Variants in SUSD4 observed in about 807,000 individuals in gnomAD.
SUSD4 encodes sushi domain-containing protein 4.
A neutral mutation model predicts 50.5 loss-of-function variants in SUSD4; 41 were observed. The observed-to-expected ratio is 0.81, with a 90% CI of 0.63 to 1.05. The LOEUF (loss-of-function observed/expected upper bound fraction) is 1.05, where lower values mean the gene tolerates loss of function less well. Among genes scored for constraint, SUSD4 ranks in the 50% least tolerant of loss-of-function variants. The pLI is 0.00. For synonymous variants in SUSD4, 257 were observed against 257.3 expected, an observed-to-expected ratio of 1.00 and a Z score of 0.01; for missense variants, 580 against 634.7, an observed-to-expected ratio of 0.91 and a Z score of 0.93.
intron 3 of SUSD4, among the ~76,000 whole-genome samples, chr1:223,276,059 G>A (rs569393457): frequency 1.3e-5 from 2 of 152,360 alleles, no homozygotes; most frequent in South Asian, 2.1e-4. Context: ...ACTGGCATGA[G>A]AGAAGATGAA....
intron 1 of SUSD4, 199 bp from the exon 2 acceptor site, chr1:223,363,659 G>C (rs1669140783): frequency 1.9e-6 from 1 of 534,966 alleles, no homozygotes. Context: ...AACAGCCGCC[G>C]TGGGATGCTG....
At chr1:223,362,791 C>T (rs572400275) in intron 2 of SUSD4, among the ~76,000 whole-genome samples, 8 of 152,336 alleles carry the variant, frequency 5.3e-5, no homozygotes, top group African/African-American at 1.9e-4. Context: ...GCCCCGCAGC[C>T]AGTCTGACCA....
At chr1:223,283,999 C>A (rs1031968335) in intron 3 of SUSD4, among the ~76,000 whole-genome samples, 1 of 151,092 alleles carries the variant, frequency 6.6e-6, no homozygotes, top group African/African-American at 2.4e-5. Context: ...CCAAACACCG[C>A]ATATTCTCAC....
Position 223,264,655 on chromosome 1 carries a change from G to C in SUSD4, c.699C>G (p.Ser233Arg), listed in dbSNP as rs267598387. Residue 233 changes from serine to arginine, a missense_variant, in exon 5 of 9, where the codon AGC becomes AGG. Physicochemically the swap from Ser to Arg is moderately radical, Grantham distance 110. Transcript: ENST00000366878. ...CTTCCAGAGCAAGGCACCGGGGTGGGCTGGACGACCAGATAAGGTTTTGTA... is the reference window on the plus strand; with the variant it reads ...CTTCCAGAGCAAGGCACCGGGGTGGCCTGGACGACCAGATAAGGTTTTGTA... The part of the protein sequence containing the change: ...ECLQNLIWSS[S>R]PPRCLALEVC... The C allele has an allele frequency of 1.2e-6, 2 of 1,614,056 alleles. No homozygotes were observed. The highest frequency in any genetic ancestry group is 1.7e-6 in the Non-Finnish European group (2 of 1,180,024).
chr1:223,269,389 C>T (rs1452881576), intron 3 of SUSD4, among the ~76,000 whole-genome samples: 2 of 152,118 alleles, frequency 1.3e-5, no homozygotes, highest in Non-Finnish European at 2.9e-5. Flanking sequence ...GAAGGAACGA[C>T]GAGCCCATGC....
chr1:223,267,317 A>C (rs1351306238), intron 4 of SUSD4, among the ~76,000 whole-genome samples: 7 of 152,168 alleles, frequency 4.6e-5, no homozygotes, highest in Non-Finnish European at 7.3e-5. Flanking sequence ...GGGAGAACAA[A>C]AGGTTATGTG....
chr1:223,267,545 C>T (rs1662576079), intron 4 of SUSD4, among the ~76,000 whole-genome samples: 1 of 152,182 alleles, frequency 6.6e-6, no homozygotes, highest in South Asian at 2.1e-4. Flanking sequence ...GCAACACTGG[C>T]AGTTCCTGGG....
At chr1:223,235,935 C>G (rs1224223905) in intron 5 of SUSD4, among the ~76,000 whole-genome samples, 1 of 152,216 alleles carries the variant, frequency 6.6e-6, no homozygotes, top group Non-Finnish European at 1.5e-5. Flanking sequence ...AAGAAGCCAT[C>G]AAACTGTCTT....
chr1:223,272,210 T>C (rs1161952004), intron 3 of SUSD4, among the ~76,000 whole-genome samples: 2 of 152,156 alleles, frequency 1.3e-5, no homozygotes, highest in African/African-American at 2.4e-5. Context: ...AAAATATTCA[T>C]CAAAATCTGC....
intron 1 of SUSD4, chr1:223,363,727 G>A (rs745485626): frequency 2.8e-5 from 9 of 316,290 alleles, no homozygotes; most frequent in Non-Finnish European, 5.2e-5. Context: ...CATTGGCTCC[G>A]CGCCGGTCCC....
At chr1:223,293,074 G>A (rs148868441) in intron 2 of SUSD4, among the ~76,000 whole-genome samples, 1 of 152,284 alleles carries the variant, frequency 6.6e-6, no homozygotes, top group East Asian at 1.9e-4. Context: ...GGAGGCATGG[G>A]TGGTTTTCTA....
chr1:223,260,401 T>C (rs561188708), intron 5 of SUSD4, among the ~76,000 whole-genome samples: 1 of 152,350 alleles, frequency 6.6e-6, no homozygotes, highest in South Asian at 2.1e-4. Context: ...CCCACATTTA[T>C]TGTCAGAGCT....
At position 223,222,159 on chromosome 1, in the gene SUSD4, G is replaced by A; in HGVS notation, c.*33C>T. The A allele has an allele frequency of 6.2e-7, 1 of 1,608,804 alleles. No homozygotes were observed. ...CAAGATACAAGGTCCTTTCCCCGAA[G>A]GAGCAGGAGAGTCATCTGGATCTTG... is the stretch of plus-strand genomic sequence containing the variant. On this transcript the variant is annotated 3_prime_UTR_variant, in exon 9 of 9. Coordinates refer to ENST00000366878, the MANE Select transcript of SUSD4 (RefSeq NM_017982.4).
chr1:223,255,822 C>T (rs965699262), intron 5 of SUSD4, among the ~76,000 whole-genome samples: 8 of 152,208 alleles, frequency 5.3e-5, no homozygotes, highest in African/African-American at 1.9e-4. Flanking sequence ...CAGCTACTGG[C>T]AGGATCACGG....
intron 2 of SUSD4, among the ~76,000 whole-genome samples, chr1:223,327,493 T>C (rs1666941482): frequency 1.3e-5 from 2 of 152,186 alleles, no homozygotes; most frequent in South Asian, 2.1e-4. Flanking sequence ...GAAATAAAAA[T>C]GTTTTAAAAA....
chr1:223,364,658 C>A (rs541503964), upstream of SUSD4, among the ~76,000 whole-genome samples: 1 of 151,256 alleles, frequency 6.6e-6, no homozygotes, highest in African/African-American at 2.4e-5. This position sits in a 1 kb window ranked among gnomAD's most constrained non-coding sequence, Gnocchi z 4.5. Flanking sequence ...CGCGCGGCCT[C>A]TGGTGCCCCC....
chr1:223,330,325 T>C (rs1174562854), intron 2 of SUSD4, among the ~76,000 whole-genome samples: 24 of 152,188 alleles, frequency 1.6e-4, no homozygotes, highest in Non-Finnish European at 1.5e-5. Context: ...CACATATCAC[T>C]GTTCTCACTC....
Position 223,287,680 on chromosome 1 carries a change from T to A in SUSD4, c.361+4759A>T, listed in dbSNP as rs1246896107. Reference sequence around the variant, plus strand: ...AAGCTATCTGACAGACCTATGGGACTCCAGCTTCATGAAAATACTTTATTC... The same window carrying A: ...AAGCTATCTGACAGACCTATGGGACACCAGCTTCATGAAAATACTTTATTC... On this transcript the variant is annotated intron_variant, in intron 3 of 8. Transcript: ENST00000366878. Among the ~76,000 whole-genome samples, 13 of 152,228 alleles carry A rather than the reference T, an allele frequency of 8.5e-5. No homozygotes were observed. The South Asian group carries it at 2.7e-3, about 32-fold the overall frequency.
At chr1:223,318,125 G>A (rs1213591564) in intron 2 of SUSD4, among the ~76,000 whole-genome samples, 4 of 44,038 alleles carry the variant, frequency 9.1e-5, no homozygotes, top group Admixed American at 2.9e-4. Flanking sequence ...TTTTGTTCTT[G>A]CGATAGTTTA....
Sources: gnomAD v4.1 joint callset for allele counts (sites outside exome capture counted in the v4.1 genomes callset) on GRCh38, gnomAD v4.1.1 for gene constraint, Gnocchi (gnomAD v3.1) non-coding constraint, MANE v1.5 for transcripts, NCBI Gene and HGNC (gene_info 2026-07-23, HGNC 2026-07-21) for gene names.